Variants in TLE1 observed in about 807,000 individuals in gnomAD.
TLE1 encodes TLE family member 1, transcriptional corepressor, also known as transducin-like enhancer protein 1.
Under a neutral mutation model 89.8 loss-of-function variants are expected in TLE1, and 21 were observed. That is an observed-to-expected ratio of 0.23 (90% CI 0.17 to 0.34). The LOEUF (loss-of-function observed/expected upper bound fraction) is 0.34. TLE1 is among the 10% of genes least tolerant of loss of function. TLE1 has a pLI of 1.00. For missense variants in TLE1, 795 were observed against 1,031.2 expected, an observed-to-expected ratio of 0.77 and a Z score of 3.14; for synonymous variants, 447 against 407.6, an observed-to-expected ratio of 1.10 and a Z score of -1.16.
intron 5 of TLE1, among the ~76,000 whole-genome samples, chr9:81,653,076 A>AC (rs1212138535): frequency 6.6e-6 from 1 of 152,238 alleles, no homozygotes; most frequent in Non-Finnish European, 1.5e-5. Context: ...AATGTAACAT[A>AC]GAGCCGTGGA....
chr9:81,646,529 G>T (rs1828884450), intron 6 of TLE1, among the ~76,000 whole-genome samples: 1 of 152,214 alleles, frequency 6.6e-6, no homozygotes, highest in Non-Finnish European at 1.5e-5. Flanking sequence ...CTGGGTTACT[G>T]ATGGCTTTCC....
chr9:81,663,241 A>T (rs118170968), intron 4 of TLE1, among the ~76,000 whole-genome samples: 4,851 of 152,278 alleles, frequency 0.032, 102 homozygotes, highest in Non-Finnish European at 0.045. Context: ...AGACACAACA[A>T]TGCTGGCAAA....
At chr9:81,646,034 T>C (rs948991881) in intron 6 of TLE1, among the ~76,000 whole-genome samples, 2 of 152,178 alleles carry the variant, frequency 1.3e-5, no homozygotes, top group Non-Finnish European at 2.9e-5. Flanking sequence ...GGAAACTATG[T>C]GGGTGGGTTG....
At chr9:81,585,895 A>G (rs1167087210) in intron 17 of TLE1, among the ~76,000 whole-genome samples, 1 of 152,182 alleles carries the variant, frequency 6.6e-6, no homozygotes, top group Admixed American at 6.5e-5. Context: ...ATGATTCCTA[A>G]TAATAATGGC....
chr9:81,658,685 C>T (rs1265499853), intron 4 of TLE1, among the ~76,000 whole-genome samples: 1 of 152,188 alleles, frequency 6.6e-6, no homozygotes, highest in African/African-American at 2.4e-5. Context: ...GGGTACACAG[C>T]TTACCCAACA....
At chr9:81,630,636 C>T (rs1826465445) in intron 8 of TLE1, among the ~76,000 whole-genome samples, 1 of 152,152 alleles carries the variant, frequency 6.6e-6, no homozygotes, top group Non-Finnish European at 1.5e-5. Flanking sequence ...CTTTGAAAAT[C>T]ACTGGCCTGT....
chr9:81,683,872 G>A (rs932147802), intron 4 of TLE1, among the ~76,000 whole-genome samples: 2 of 151,996 alleles, frequency 1.3e-5, no homozygotes, highest in Non-Finnish European at 2.9e-5. Flanking sequence ...TCACACCATG[G>A]TGCTTCTGAC....
At chr9:81,664,807 G>C (rs994079389) in intron 4 of TLE1, among the ~76,000 whole-genome samples, 2 of 152,162 alleles carry the variant, frequency 1.3e-5, no homozygotes, top group African/African-American at 4.8e-5. Flanking sequence ...GGATGGTCTT[G>C]TGCTTGTTAA....
chr9:81,687,237 G>C, intron 2 of TLE1, 97 bp downstream of exon 2: 1 of 971,988 alleles, frequency 1.0e-6, no homozygotes, highest in Non-Finnish European at 1.6e-6. Flanking sequence ...CCACCGCCTG[G>C]ACGCAAGAAC....
chr9:81,660,340 A>C, intron 4 of TLE1, among the ~76,000 whole-genome samples: 1 of 138,754 alleles, frequency 7.2e-6, no homozygotes, highest in Non-Finnish European at 1.6e-5. Flanking sequence ...AAGGCTGTTC[A>C]CAAAAAAAAA....
At chr9:81,602,596 TCG>T (rs1248082182) in intron 14 of TLE1, among the ~76,000 whole-genome samples, 7 of 152,168 alleles carry the variant, frequency 4.6e-5, no homozygotes, top group Non-Finnish European at 1.0e-4. Flanking sequence ...GTGGCTCATG[TCG>T]GTACTCAAAA....
At chr9:81,600,551 A>G (rs1423948827) in intron 14 of TLE1, among the ~76,000 whole-genome samples, 3 of 152,108 alleles carry the variant, frequency 2.0e-5, no homozygotes, top group African/African-American at 7.2e-5. Context: ...GAAGGTAGAA[A>G]AACAGAAATT....
chr9:81,685,709 C>G lies in TLE1; in HGVS notation c.201G>C (p.Met67Ile). 6.2e-7 allele frequency: 1 copy of G among 1,613,650 alleles called. No homozygotes were observed. Among genetic ancestry groups the G allele is most frequent in the Non-Finnish European group, 8.5e-7 (1 of 1,179,716 alleles). Reference protein sequence around the residue: ...MQRHYVMYYEMSYGLNIEMHK... With the variant: ...MQRHYVMYYEISYGLNIEMHK... ...GCATTTCAATGTTTAATCCATATGACATTTCATAATACTGTAAAGAGAAAA... is the reference window on the plus strand; with the variant it reads ...GCATTTCAATGTTTAATCCATATGAGATTTCATAATACTGTAAAGAGAAAA... The change falls in exon 4 of 20, where the codon ATG becomes ATC. Residue 67 changes from methionine to isoleucine, a missense_variant. By Grantham distance (10) the Met-to-Ile change is conservative. This residue lies in a region of TLE1 where 66 missense variants were observed against 118.7 expected (regional missense o/e 0.56). Coordinates refer to ENST00000376499, the MANE Select transcript of TLE1 (RefSeq NM_005077.5).
In TLE1 at chr9:81,661,163, C is replaced by T. The variant is rs566765308; in HGVS notation, c.235-7127G>A. ...TAAAAATAAATAAAAATAAAAAATA[C>T]ATATATATTTATATATATGTATTTT... On this transcript the variant is annotated intron_variant, in intron 4 of 19. Transcript: ENST00000376499. Among the ~76,000 whole-genome samples, 362 of 139,192 alleles carry T rather than the reference C, an allele frequency of 2.6e-3. 3 individuals carry two copies. The highest frequency in any genetic ancestry group is 8.9e-3 in the African/African-American group (340 of 38,152). 91.3% of individuals were successfully genotyped at this position (139,192 alleles called of 152,430 possible).
chr9:81,625,633 G>T (rs543780778), intron 8 of TLE1, among the ~76,000 whole-genome samples: 1 of 152,108 alleles, frequency 6.6e-6, no homozygotes, highest in South Asian at 2.1e-4. Flanking sequence ...AAGTAGGTGG[G>T]TTGACTGAAC....
chr9:81,635,530 C>T (rs1256395035), intron 6 of TLE1, among the ~76,000 whole-genome samples: 1 of 152,170 alleles, frequency 6.6e-6, no homozygotes, highest in Non-Finnish European at 1.5e-5. Flanking sequence ...GGCCACATTT[C>T]AGCTGTCCAA....
At chr9:81,616,756 C>T (rs371423047) in intron 9 of TLE1, 57 bp from the exon 10 acceptor site, 2 of 1,597,324 alleles carry the variant, frequency 1.3e-6, no homozygotes, top group Non-Finnish European at 8.6e-7. Flanking sequence ...GTTTGAGGCA[C>T]AGTTAGATTT....
At chr9:81,602,903 G>T (rs1831131963) in intron 14 of TLE1, among the ~76,000 whole-genome samples, 1 of 152,162 alleles carries the variant, frequency 6.6e-6, no homozygotes, top group Non-Finnish European at 1.5e-5. Context: ...CAGAGGGAAT[G>T]GGAATGATGC....
intron 14 of TLE1, among the ~76,000 whole-genome samples, chr9:81,606,013 T>C (rs1415287471): frequency 3.3e-5 from 5 of 152,018 alleles, no homozygotes; most frequent in African/African-American, 1.2e-4. Context: ...AACAGACACA[T>C]GAAAAAATGC....
Sources: gnomAD v4.1 joint callset for allele counts (sites outside exome capture counted in the v4.1 genomes callset) on GRCh38, gnomAD v4.1.1 for gene constraint, gnomAD v4.1.1 regional missense constraint, MANE v1.5 for transcripts, NCBI Gene and HGNC (gene_info 2026-07-23, HGNC 2026-07-21) for gene names.